DPP9: variants seen among roughly 807,000 people sequenced by gnomAD.
DPP9 encodes dipeptidyl peptidase IV-related protein-2.
A neutral mutation model predicts 110.7 loss-of-function variants in DPP9; 50 were observed. The ratio of observed to expected loss-of-function variants is 0.45; its 90% CI spans 0.36 to 0.57. The LOEUF is 0.57. DPP9 is among the 20% of genes least tolerant of loss of function. The pLI, the probability that DPP9 is intolerant of heterozygous loss-of-function variation, is 0.00. For missense variants in DPP9, 1,022 were observed against 1,217.9 expected (o/e 0.84, Z 2.39); for synonymous variants, 561 against 514.4 (o/e 1.09, Z -1.23).
chr19:4,696,528 A>AG (rs2091816155), intron 11 of DPP9, among the ~76,000 whole-genome samples: 2 of 151,864 alleles, frequency 1.3e-5, no homozygotes, highest in Admixed American at 1.3e-4. Context: ...TGGGAAGCCG[A>AG]GGGGGGCGGA....
chr19:4,710,416 C>A lies in DPP9; in HGVS notation c.313+3665G>T, dbSNP rs1325288887. Among the ~76,000 whole-genome samples, 1 of 152,198 alleles carries A rather than the reference C, an allele frequency of 6.6e-6. No individual in the cohort carries two copies. The highest frequency in any genetic ancestry group is 2.4e-5 in the African/African-American group (1 of 41,452). ...GAGGCTGATCCGCGTGGGGCGGGAG[C>A]GGGGTCGGGAGCGTTTCCCAATGCT... On this transcript the variant is annotated intron_variant, in intron 4 of 21. Transcript: ENST00000262960. The surrounding 1 kb of genome is among the most constrained non-coding windows in gnomAD (Gnocchi z 5.6).
intron 11 of DPP9, among the ~76,000 whole-genome samples, chr19:4,696,811 C>T (rs2091840561): frequency 6.6e-6 from 1 of 152,042 alleles, no homozygotes; most frequent in African/African-American, 2.4e-5. Flanking sequence ...AGCAAATGTA[C>T]ATATGGCAGC....
chr19:4,719,013 C>G (rs732631), intron 3 of DPP9, among the ~76,000 whole-genome samples: 50,810 of 151,858 alleles, frequency 0.33, 8,758 homozygotes, highest in Non-Finnish European at 0.37. Flanking sequence ...GATTTTAGGG[C>G]ACTTCTTCAG....
At chr19:4,720,283 G>A (rs2093262790) in intron 2 of DPP9, among the ~76,000 whole-genome samples, 1 of 152,166 alleles carries the variant, frequency 6.6e-6, no homozygotes, top group South Asian at 2.1e-4. Flanking sequence ...TTGCCTGATG[G>A]CCCTGGTGAC....
In DPP9 at chr19:4,710,958, C is replaced by A. The variant is rs2092803037; in HGVS notation, c.313+3123G>T. 6.6e-6 allele frequency among the ~76,000 whole-genome samples: 1 copy of A among 152,212 alleles called. No homozygotes were observed. Among genetic ancestry groups the A allele is most frequent in the South Asian group, 2.1e-4 (1 of 4,828 alleles). ...TGCCTGTCCCAGCCCCAGACACACACACGAGCCACAGGCGACCCGACGATC... is the reference window on the plus strand; with the variant it reads ...TGCCTGTCCCAGCCCCAGACACACAAACGAGCCACAGGCGACCCGACGATC... On this transcript the variant is annotated intron_variant, in intron 4 of 21. Transcript: ENST00000262960. This position sits in a 1 kb window ranked among gnomAD's most constrained non-coding sequence, Gnocchi z 5.6.
chr19:4,702,778 C>G, intron 7 of DPP9, 62 bp from the exon 8 acceptor site: 1 of 1,009,488 alleles, frequency 9.9e-7, no homozygotes, highest in East Asian at 3.7e-5. Flanking sequence ...TGGGGACAGC[C>G]AGGGGCTCAA....
intron 4 of DPP9, among the ~76,000 whole-genome samples, chr19:4,711,837 G>A (rs2092850090): frequency 6.6e-6 from 1 of 150,618 alleles, no homozygotes; most frequent in African/African-American, 2.4e-5. Flanking sequence ...GAGAAGAAGA[G>A]GAGGAGGAGG....
At chr19:4,696,889 C>G (rs1351041660) in intron 11 of DPP9, among the ~76,000 whole-genome samples, 1 of 152,144 alleles carries the variant, frequency 6.6e-6, no homozygotes, top group Non-Finnish European at 1.5e-5. Context: ...GAAAAGTGAA[C>G]AGGCTAAGAG....
chr19:4,688,420 TA>T (rs2090997139), intron 16 of DPP9: 1 of 281,302 alleles, frequency 3.6e-6, no homozygotes, highest in South Asian at 1.6e-4. Flanking sequence ...TGAAAATGTT[TA>T]CTTGTCACCT....
intron 10 of DPP9, among the ~76,000 whole-genome samples, chr19:4,699,541 G>A (rs549589373): frequency 2.8e-4 from 42 of 152,154 alleles, no homozygotes; most frequent in Non-Finnish European, 5.1e-4. Flanking sequence ...GGGTGGCTAC[G>A]GAGGAGGGGG....
rs751524711 is a variant in DPP9, at chr19:4,688,898, G to A, written c.1750-6C>T. ...CTGACGAACATGTCGAAGTTCTGGG[G>A]GTGGAATGGGGTGATGAGCTCCACG... is the stretch of plus-strand genomic sequence containing the variant. On this transcript the variant is annotated splice_polypyrimidine_tract_variant and splice_region_variant and intron_variant, in intron 15 of 21. Coordinates refer to ENST00000262960, the MANE Select transcript of DPP9 (RefSeq NM_139159.5). The A allele has an allele frequency of 1.3e-6, 2 of 1,514,700 alleles. No homozygotes were observed. The highest frequency in any genetic ancestry group is 8.7e-7 in the Non-Finnish European group (1 of 1,148,254). The allele number at this position is 1,514,700 out of a possible 1,614,324, so 93.8% of individuals were successfully genotyped here. A position where few individuals can be genotyped will look rare whatever the true frequency, so the allele number is the denominator to read the frequency against.
chr19:4,703,850 GC>G, intron 7 of DPP9, 35 bp downstream of exon 7: 1 of 1,571,664 alleles, frequency 6.4e-7, no homozygotes, highest in South Asian at 1.2e-5. Flanking sequence ...TGGCCAGGTG[GC>G]TATGGTGGCC....
chr19:4,721,983 C>T (rs1443471676), intron 2 of DPP9, among the ~76,000 whole-genome samples: 1 of 152,122 alleles, frequency 6.6e-6, no homozygotes, highest in African/African-American at 2.4e-5. Context: ...CTTCCACTTC[C>T]CCAGCGAGAA....
Position 4,689,123 on chromosome 19 carries a change from G to T in DPP9, c.1750-231C>A, listed in dbSNP as rs981336316. Among the ~76,000 whole-genome samples, 1 of 152,194 alleles carries T rather than the reference G, an allele frequency of 6.6e-6. No individual in the cohort carries two copies. Among genetic ancestry groups the T allele is most frequent in the Non-Finnish European group, 1.5e-5 (1 of 68,028 alleles). Reference sequence around the variant, plus strand: ...GGACGAGTCTGTCCCCCAGCCAGGGGCCTATGGACAGTCACCGACCGCTGG... The same window carrying T: ...GGACGAGTCTGTCCCCCAGCCAGGGTCCTATGGACAGTCACCGACCGCTGG... On this transcript the variant is annotated intron_variant, in intron 15 of 21. Coordinates refer to ENST00000262960, the MANE Select transcript of DPP9 (RefSeq NM_139159.5). This position sits in a 1 kb window ranked among gnomAD's most constrained non-coding sequence, Gnocchi z 7.0.
chr19:4,700,187 A>G lies in DPP9; in HGVS notation c.1074+29T>C, dbSNP rs2092141974. ...GGCCCTTCCCCGCATCATCTAGTAG[A>G]TTATCTGGTATGCAGCAGGCCCCCT... On this transcript the variant is annotated intron_variant, in intron 10 of 21. Transcript: ENST00000262960. The surrounding 1 kb of genome is among the most constrained non-coding windows in gnomAD (Gnocchi z 4.3). 2 of 1,526,156 alleles carry G rather than the reference A, an allele frequency of 1.3e-6. No homozygotes were observed. The highest frequency in any genetic ancestry group is 1.4e-5 in the African/African-American group (1 of 72,066). 94.5% of individuals were successfully genotyped at this position (1,526,156 alleles called of 1,614,324 possible).
intron 3 of DPP9, 128 bp downstream of exon 3, chr19:4,719,723 A>G (rs2093235098): frequency 9.2e-7 from 1 of 1,083,808 alleles, no homozygotes; most frequent in East Asian, 2.6e-5. Context: ...TAACCAGAAC[A>G]GTCTTGGGGA....
rs543413923 is a variant in DPP9, at chr19:4,676,414, G to A, written c.*150C>T. On this transcript the variant is annotated 3_prime_UTR_variant, in exon 22 of 22. Transcript: ENST00000262960. The surrounding 1 kb of genome is among the most constrained non-coding windows in gnomAD (Gnocchi z 4.0). The stretch of plus-strand genomic sequence containing the variant: ...AAAAAAGGATAAAAGGCGTCGGGGC[G>A]GTGAAGGCAGCGGCTCCTCGGGGCT... 6.1e-5 allele frequency: 40 copies of A among 654,988 alleles called. No homozygotes were observed. The South Asian group carries it at 6.3e-4, about 10-fold the overall frequency. The allele number at this position is 654,988 out of a possible 1,614,324, so 40.6% of individuals were successfully genotyped here.
Position 4,700,258 on chromosome 19 carries a change from A to G in DPP9, c.1032T>C (p.Ile344=), listed in dbSNP as rs570635529. 1 of 1,597,918 alleles carries G rather than the reference A, an allele frequency of 6.3e-7. No individual in the cohort carries two copies. The highest frequency in any genetic ancestry group is 2.3e-5 in the East Asian group (1 of 44,274). ...YPRTGSKNPK[I]ALKLAEFQTD... ...TCTGGAACTCAGCCAGTTTCAAGGC[A>G]ATCTTGGGATTCTTGCTGCCTGCAA... Residue 344 remains isoleucine (I), a synonymous_variant, in exon 10 of 22, where the codon ATT becomes ATC. Transcript: ENST00000262960. The surrounding 1 kb of genome is among the most constrained non-coding windows in gnomAD (Gnocchi z 4.3).
At chr19:4,716,041 G>C (rs1397657714) in intron 3 of DPP9, 5 of 152,292 alleles carry the variant, frequency 3.3e-5, no homozygotes, top group African/African-American at 1.2e-4. Flanking sequence ...TGGGCTCCGA[G>C]TGACTGCCGA....
Sources: gnomAD v4.1 joint callset for allele counts (sites outside exome capture counted in the v4.1 genomes callset) on GRCh38, gnomAD v4.1.1 for gene constraint, Gnocchi (gnomAD v3.1) non-coding constraint, MANE v1.5 for transcripts, NCBI Gene and HGNC (gene_info 2026-07-23, HGNC 2026-07-21) for gene names.